The following MEGF10 variants were observed in gnomAD, a reference collection of about 807,000 sequenced individuals.
MEGF10 encodes multiple EGF like domains 10.
Under a neutral mutation model 147.5 loss-of-function variants are expected in MEGF10, and 86 were observed. The ratio of observed to expected loss-of-function variants is 0.58; its 90% confidence interval spans 0.49 to 0.70. The LOEUF is 0.70. Ranked by LOEUF, MEGF10 falls within the 30% of genes least tolerant of loss-of-function variation. The pLI, the probability that MEGF10 is intolerant of heterozygous loss-of-function variation, is 0.00. For missense variants in MEGF10, 1,329 were observed against 1,487.3 expected (o/e 0.89, Z 1.75); for synonymous variants, 478 against 525.5 (o/e 0.91, Z 1.24).
chr5:127,264,764 G>A, the MEGF10 span, among the ~76,000 whole-genome samples: 1 of 151,994 alleles, frequency 6.6e-6, no homozygotes, highest in Non-Finnish European at 1.5e-5. Flanking sequence ...AAAGAAAAAG[G>A]GTAGCTGCTT....
At chr5:127,348,349 G>A (rs1345295801) in intron 4 of MEGF10, among the ~76,000 whole-genome samples, 1 of 152,022 alleles carries the variant, frequency 6.6e-6, no homozygotes, top group Non-Finnish European at 1.5e-5. Context: ...TCTGATTCTA[G>A]CTTTGTAACA....
At chr5:127,390,307 T>C (rs1763596500) in intron 5 of MEGF10, among the ~76,000 whole-genome samples, 2 of 151,522 alleles carry the variant, frequency 1.3e-5, no homozygotes, top group Non-Finnish European at 2.9e-5. Flanking sequence ...TTTTTTTTTT[T>C]GAGACAGAAT....
chr5:127,448,988 T>C (rs1025008117), intron 21 of MEGF10, 111 bp from the exon 22 acceptor site: 29 of 1,438,432 alleles, frequency 2.0e-5, no homozygotes, highest in Non-Finnish European at 2.6e-5. Flanking sequence ...CTCAGGTCAC[T>C]CTAAGGACTG....
At chr5:127,424,563 G>C in intron 13 of MEGF10, 1 of 1,390,374 alleles carries the variant, frequency 7.2e-7, no homozygotes, top group Admixed American at 3.2e-5. Context: ...AATGTTGAGA[G>C]CTTCTTTGGT....
At chr5:127,411,968 C>G in intron 9 of MEGF10, among the ~76,000 whole-genome samples, 1 of 152,186 alleles carries the variant, frequency 6.6e-6, no homozygotes, top group East Asian at 1.9e-4. Context: ...AAAGGAAGAG[C>G]TCTGCTATGA....
chr5:127,372,497 TC>T (rs1326378419), intron 5 of MEGF10, among the ~76,000 whole-genome samples: 1 of 152,220 alleles, frequency 6.6e-6, no homozygotes, highest in Non-Finnish European at 1.5e-5. Context: ...TATCAATTTT[TC>T]CACTAACGTC....
At chr5:127,246,958 A>G in the MEGF10 span, among the ~76,000 whole-genome samples, 1 of 113,964 alleles carries the variant, frequency 8.8e-6, no homozygotes. Context: ...TATAATAAAT[A>G]ATATATAATA....
At chr5:127,388,521 A>T (rs557256293) in intron 5 of MEGF10, among the ~76,000 whole-genome samples, 4 of 22,414 alleles carry the variant, frequency 1.8e-4, no homozygotes, top group South Asian at 1.2e-3. Context: ...TTTTCTTTTT[A>T]TTTATTTATT....
chr5:127,290,204 T>C (rs753737218), upstream of MEGF10, among the ~76,000 whole-genome samples: 11 of 152,082 alleles, frequency 7.2e-5, no homozygotes, highest in Non-Finnish European at 1.0e-4. Context: ...CGCCCCTCCA[T>C]GGTAAAGCAG....
chr5:127,437,483 T>C (rs972862284), intron 16 of MEGF10, among the ~76,000 whole-genome samples: 2 of 152,240 alleles, frequency 1.3e-5, no homozygotes, highest in African/African-American at 4.8e-5. Flanking sequence ...ATTGATTGTC[T>C]TTATAGGTCC....
At chr5:127,413,291 A>T (rs191052152) in intron 9 of MEGF10, among the ~76,000 whole-genome samples, 1 of 152,368 alleles carries the variant, frequency 6.6e-6, no homozygotes, top group Admixed American at 6.5e-5. Flanking sequence ...TTTGAACAAG[A>T]AAATAAAATT....
At chr5:127,396,108 C>T (rs1326475348) in intron 5 of MEGF10, among the ~76,000 whole-genome samples, 1 of 152,150 alleles carries the variant, frequency 6.6e-6, no homozygotes, top group South Asian at 2.1e-4. Context: ...ATCCCTTGTT[C>T]ACAAGATGCA....
intron 1 of MEGF10, among the ~76,000 whole-genome samples, chr5:127,308,461 C>A (rs149546291): frequency 6.6e-6 from 1 of 152,096 alleles, no homozygotes; most frequent in Non-Finnish European, 1.5e-5. Context: ...AAATGCTTGA[C>A]GCCCTTTTGG....
chr5:127,260,750 G>A, the MEGF10 span, among the ~76,000 whole-genome samples: 1 of 152,158 alleles, frequency 6.6e-6, no homozygotes, highest in East Asian at 1.9e-4. Context: ...CGAGCAGAGT[G>A]GATTTTAACA....
intron 5 of MEGF10, among the ~76,000 whole-genome samples, chr5:127,389,375 A>T (rs1763558175): frequency 6.6e-6 from 1 of 152,220 alleles, no homozygotes; most frequent in Admixed American, 6.5e-5. Context: ...TTCCTCAAAG[A>T]GCTGAAAGCA....
intron 1 of MEGF10, among the ~76,000 whole-genome samples, chr5:127,315,779 A>C (rs1426557702): frequency 6.6e-6 from 1 of 152,174 alleles, no homozygotes; most frequent in Non-Finnish European, 1.5e-5. Context: ...GTCTTAAAAA[A>C]ACAAACCAAA....
chr5:127,396,676 C>G lies in MEGF10; in HGVS notation c.557C>G (p.Thr186Ser), dbSNP rs763874537. 1 of 1,614,116 alleles carries G rather than the reference C, an allele frequency of 6.2e-7. No homozygotes were observed. Among genetic ancestry groups the G allele is most frequent in the Admixed American group, 1.7e-5 (1 of 60,030 alleles). The change falls in exon 6 of 25, where the codon ACC (threonine) becomes AGC (serine). Residue 186 changes from threonine (T) to serine (S), a missense_variant. Around this residue, in one of 3 missense-constraint regions of MEGF10, gnomAD observed 980 missense variants for 1,085.9 expected, o/e 0.90. Transcript: ENST00000503335. The part of the protein sequence containing the change: ...WRCEDRCEQG[T>S]YGNDCHQRCQ... ...TGCGAGGACCGCTGTGAGCAGGGCA[C>G]CTATGGTAACGACTGTCATCAGAGA... is the stretch of plus-strand genomic sequence containing the variant.
In MEGF10 at chr5:127,445,247, G is replaced by T. The variant is rs1012474256; in HGVS notation, c.2492-210G>T. ...GTGCCCAGCTTCTGTCTCTTTTTGA[G>T]GCTTACAGCAGCCTTTCTCTGGGCA... is the stretch of plus-strand genomic sequence containing the variant. On this transcript the variant is annotated intron_variant, in intron 19 of 24. Transcript: ENST00000503335. The T allele has an allele frequency of 8.8e-6, 5 of 567,222 alleles. No homozygotes were observed. In the Admixed American group the frequency reaches 9.2e-5, roughly 10 times the overall value. The allele number at this position is 567,222 out of a possible 1,614,324, so 35.1% of individuals were successfully genotyped here. A position where few individuals can be genotyped will look rare whatever the true frequency, so the allele number is the denominator to read the frequency against.
chr5:127,272,873 A>G, the MEGF10 span, among the ~76,000 whole-genome samples: 1 of 152,220 alleles, frequency 6.6e-6, no homozygotes, highest in Non-Finnish European at 1.5e-5. Flanking sequence ...GTCATCTGCA[A>G]ACGGAGATAG....
Sources: allele counts gnomAD v4.1 joint callset (sites outside exome capture counted in the v4.1 genomes callset), GRCh38; gene constraint gnomAD v4.1.1; regional missense constraint gnomAD v4.1.1; transcripts MANE v1.5; gene names NCBI Gene and HGNC (gene_info 2026-07-23, HGNC 2026-07-21).